The following ABLIM1 variants were observed in gnomAD, a reference collection of about 807,000 sequenced individuals.
ABLIM1 encodes actin-binding LIM protein 1.
In ABLIM1, 40 loss-of-function variants were observed where a neutral mutation model predicts 107.0. That is an observed-to-expected ratio of 0.37 (90% CI 0.29 to 0.49). The LOEUF (loss-of-function observed/expected upper bound fraction) is 0.49, where lower values mean the gene tolerates loss of function less well. ABLIM1 is among the 20% of genes least tolerant of loss of function. The probability of loss-of-function intolerance (pLI) is 0.97; values close to 1 mark genes in which losing one functional copy is unlikely to be tolerated. For synonymous variants in ABLIM1, 357 were observed against 357.3 expected, an observed-to-expected ratio of 1.00 and a Z score of 0.01; for missense variants, 857 against 1,008.5, an observed-to-expected ratio of 0.85 and a Z score of 2.04.
chr10:114,460,435 T>C (rs2063628155), intron 12 of ABLIM1, among the ~76,000 whole-genome samples: 1 of 152,134 alleles, frequency 6.6e-6, no homozygotes, highest in Non-Finnish European at 1.5e-5. Context: ...ACCCCGTCTC[T>C]ACTAAAAATA....
chr10:114,736,033 T>C (rs987299974), intron 1 of ABLIM1, among the ~76,000 whole-genome samples: 12 of 152,204 alleles, frequency 7.9e-5, no homozygotes, highest in Non-Finnish European at 1.6e-4. Context: ...TGGAGCAATA[T>C]GACATCTAAA....
intron 6 of ABLIM1, among the ~76,000 whole-genome samples, chr10:114,499,252 A>G (rs1444922805): frequency 1.3e-5 from 2 of 152,202 alleles, no homozygotes; most frequent in African/African-American, 2.4e-5. Context: ...TCTCATATAG[A>G]CCCTTGAGAA....
At chr10:114,462,510 A>G (rs376724520) in intron 12 of ABLIM1, among the ~76,000 whole-genome samples, 6 of 152,338 alleles carry the variant, frequency 3.9e-5, no homozygotes, top group East Asian at 3.9e-4. Flanking sequence ...TGTGGGAGTT[A>G]GGACAAATCA....
chr10:114,491,004 G>A (rs1478390171), intron 7 of ABLIM1, among the ~76,000 whole-genome samples: 38 of 79,648 alleles, frequency 4.8e-4, no homozygotes, highest in African/African-American at 9.3e-4. Flanking sequence ...GTGTGTGTGT[G>A]TGTGTGTGTA....
intron 1 of ABLIM1, among the ~76,000 whole-genome samples, chr10:114,726,764 G>A (rs1566278093): frequency 6.6e-6 from 1 of 152,208 alleles, no homozygotes; most frequent in Middle Eastern, 3.4e-3. Flanking sequence ...CTGGTCAGTA[G>A]AGTGAGACTC....
intron 1 of ABLIM1, among the ~76,000 whole-genome samples, chr10:114,699,023 G>C (rs1348904969): frequency 1.5e-5 from 2 of 132,372 alleles, no homozygotes; most frequent in African/African-American, 5.8e-5. Flanking sequence ...ACATCTTCAA[G>C]AAAGTAGATT....
intron 1 of ABLIM1, among the ~76,000 whole-genome samples, chr10:114,704,330 ATATATTG>A (rs1566256293): frequency 3.6e-5 from 2 of 55,492 alleles, no homozygotes; most frequent in African/African-American, 1.3e-4. Flanking sequence ...ATATATATAT[ATATATTG>A]CGCGCGTTAC....
intron 21 of ABLIM1, among the ~76,000 whole-genome samples, chr10:114,438,874 G>T (rs1483069953): frequency 1.3e-5 from 2 of 152,208 alleles, no homozygotes; most frequent in African/African-American, 4.8e-5. Flanking sequence ...TGAGTCTGCA[G>T]CCACTCCACT....
intron 6 of ABLIM1, among the ~76,000 whole-genome samples, chr10:114,515,398 G>C (rs1174559281): frequency 6.6e-6 from 1 of 152,132 alleles, no homozygotes; most frequent in African/African-American, 2.4e-5. Context: ...TGAGCTGGGG[G>C]TACAAGAGCC....
chr10:114,667,473 A>C (rs763719612), intron 1 of ABLIM1, among the ~76,000 whole-genome samples: 1 of 152,178 alleles, frequency 6.6e-6, no homozygotes, highest in Non-Finnish European at 1.5e-5. Context: ...ACTATTACAC[A>C]TTTTACTCTA....
At chr10:114,754,516 T>G (rs1200655110) in intron 1 of ABLIM1, among the ~76,000 whole-genome samples, 1 of 152,058 alleles carries the variant, frequency 6.6e-6, no homozygotes, top group African/African-American at 2.4e-5. Context: ...ATGAAAAAGT[T>G]TGGGTGGGAA....
chr10:114,758,353 T>C (rs546178041), intron 1 of ABLIM1, among the ~76,000 whole-genome samples: 4 of 152,270 alleles, frequency 2.6e-5, no homozygotes, highest in South Asian at 2.1e-4. Flanking sequence ...CTAAAATAAG[T>C]AGTCACAAGG....
chr10:114,519,388 G>C (rs781150969), intron 6 of ABLIM1, among the ~76,000 whole-genome samples: 1 of 152,174 alleles, frequency 6.6e-6, no homozygotes. Context: ...GCAAGGCCAG[G>C]TCCGGGAACC....
At chr10:114,720,488 C>A (rs897285048) in intron 1 of ABLIM1, among the ~76,000 whole-genome samples, 1 of 152,102 alleles carries the variant, frequency 6.6e-6, no homozygotes, top group Non-Finnish European at 1.5e-5. Context: ...ACTTTCCCAA[C>A]AACAGTGTAA....
chr10:114,530,525 A>T (rs931873610), intron 6 of ABLIM1, among the ~76,000 whole-genome samples: 1 of 152,056 alleles, frequency 6.6e-6, no homozygotes, highest in African/African-American at 2.4e-5. Flanking sequence ...AGTGAAATAA[A>T]TATTTATTTA....
At chr10:114,736,964 G>T (rs1489259439) in intron 1 of ABLIM1, among the ~76,000 whole-genome samples, 1 of 151,662 alleles carries the variant, frequency 6.6e-6, no homozygotes, top group East Asian at 1.9e-4. Context: ...TGAGGCAGGC[G>T]GATCACTTGA....
At chr10:114,678,607 G>T (rs1323543340) in intron 1 of ABLIM1, among the ~76,000 whole-genome samples, 4 of 152,192 alleles carry the variant, frequency 2.6e-5, no homozygotes, top group African/African-American at 9.7e-5. Flanking sequence ...TTGAGTAGTT[G>T]CAGCAGAGAC....
chr10:114,674,094 A>C (rs2080375754), intron 1 of ABLIM1, among the ~76,000 whole-genome samples: 1 of 152,116 alleles, frequency 6.6e-6, no homozygotes, highest in Non-Finnish European at 1.5e-5. Flanking sequence ...GTTCGAGACC[A>C]GCCTGGCCAA....
rs138655863 is a variant in ABLIM1, at chr10:114,551,470, C to T, written c.674-3694G>A. ...CCAATCAGAGGCTGAAGCGGAGTTACACTCTATACAAATGAAGGACTGGCC... is the reference window on the plus strand; with the variant it reads ...CCAATCAGAGGCTGAAGCGGAGTTATACTCTATACAAATGAAGGACTGGCC... On this transcript the variant is annotated intron_variant, in intron 4 of 22. Coordinates refer to ENST00000533213, the MANE Select transcript of ABLIM1 (RefSeq NM_002313.7). 5.4e-3 allele frequency among the ~76,000 whole-genome samples: 815 copies of T among 152,252 alleles called. 4 individuals carry two copies. Among genetic ancestry groups the T allele is most frequent in the Non-Finnish European group, 7.9e-3 (540 of 68,006 alleles).
Sources: allele counts gnomAD v4.1 joint callset (sites outside exome capture counted in the v4.1 genomes callset), GRCh38; gene constraint gnomAD v4.1.1; transcripts MANE v1.5; gene names NCBI Gene and HGNC (gene_info 2026-07-23, HGNC 2026-07-21).